The following PARP16 variants were observed in gnomAD, a reference collection of about 807,000 sequenced individuals.
PARP16 encodes the protein protein mono-ADP-ribosyltransferase PARP16.
In PARP16, 31 loss-of-function variants were observed where a neutral mutation model predicts 35.0. The ratio of observed to expected loss-of-function variants is 0.88; its 90% CI spans 0.66 to 1.19. PARP16 has a LOEUF of 1.19. Among genes scored for constraint, PARP16 ranks in the 50% most tolerant of loss-of-function variants. The pLI, the probability that PARP16 is intolerant of heterozygous loss-of-function variation, is 0.00. For missense variants in PARP16, 424 were observed against 411.2 expected, an observed-to-expected ratio of 1.03 and a Z score of -0.27; for synonymous variants, 162 against 169.5, an observed-to-expected ratio of 0.96 and a Z score of 0.34.
intron 4 of PARP16, among the ~76,000 whole-genome samples, chr15:65,261,454 T>G (rs556216324): frequency 1.1e-3 from 157 of 143,490 alleles, no homozygotes; most frequent in Middle Eastern, 3.6e-3. Flanking sequence ...ACATGTTTTG[T>G]TTTTTTTTTG....
chr15:65,249,548 C>A (rs933383444), intron 2 of PARP16, among the ~76,000 whole-genome samples: 2 of 152,214 alleles, frequency 1.3e-5, no homozygotes, highest in African/African-American at 4.8e-5. Flanking sequence ...CAGGCCTCTG[C>A]TGGAGGTGGA....
chr15:65,266,504 C>A, intron 3 of PARP16, 58 bp downstream of exon 3: 2 of 1,427,198 alleles, frequency 1.4e-6, no homozygotes, highest in South Asian at 1.1e-5. Context: ...TCCCCCTCCC[C>A]ACTCTCCCAC....
chr15:65,240,505 A>C (rs1220049153), intron 3 of PARP16, among the ~76,000 whole-genome samples: 2 of 152,146 alleles, frequency 1.3e-5, no homozygotes, highest in African/African-American at 4.8e-5. Flanking sequence ...GTACAGGCGC[A>C]AGCTGCTGTG....
At chr15:65,244,686 T>TG (rs1297207307) in intron 3 of PARP16, among the ~76,000 whole-genome samples, 1 of 152,282 alleles carries the variant, frequency 6.6e-6, no homozygotes, top group African/African-American at 2.4e-5. Context: ...GGATCTTGTC[T>TG]GTCTTGTTTA....
chr15:65,272,617 C>T (rs780108316), intron 1 of PARP16, among the ~76,000 whole-genome samples: 8 of 152,206 alleles, frequency 5.3e-5, no homozygotes, highest in African/African-American at 1.9e-4. Context: ...CCACTCTCTC[C>T]TCTAAGCCCC....
downstream of PARP16, among the ~76,000 whole-genome samples, chr15:65,255,344 A>C (rs2089467825): frequency 6.6e-6 from 1 of 152,212 alleles, no homozygotes; most frequent in South Asian, 2.1e-4. Context: ...TAGAAGAAAA[A>C]AACTTTTAAG....
intron 1 of PARP16, among the ~76,000 whole-genome samples, chr15:65,278,706 G>C (rs776482752): frequency 2.0e-5 from 3 of 152,204 alleles, no homozygotes; most frequent in Non-Finnish European, 4.4e-5. Context: ...AGGAAAAGCT[G>C]GAGATACTCA....
At chr15:65,250,546 G>T (rs1050746185) in intron 2 of PARP16, among the ~76,000 whole-genome samples, 16 of 152,188 alleles carry the variant, frequency 1.1e-4, no homozygotes, top group African/African-American at 3.9e-4. Flanking sequence ...GCCTTGCAGG[G>T]ATACTGTGAA....
chr15:65,259,284 T>C lies in PARP16; in HGVS notation c.*123A>G. On this transcript the variant is annotated 3_prime_UTR_variant, in exon 6 of 6. Transcript: ENST00000649807. ...TGGATACATTTAGGCCATATGAAAA[T>C]TGTCCTGTGGTCCCCCAACTGGCCC... The C allele has an allele frequency of 1.2e-6, 1 of 865,154 alleles. No individual in the cohort carries two copies. The highest frequency in any genetic ancestry group is 1.9e-6 in the Non-Finnish European group (1 of 529,724). The allele number at this position is 865,154 out of a possible 1,614,324, so 53.6% of individuals were successfully genotyped here.
chr15:65,271,585 G>GT (rs977184322), intron 1 of PARP16, among the ~76,000 whole-genome samples: 174 of 151,042 alleles, frequency 1.2e-3, no homozygotes, highest in African/African-American at 3.6e-3. Flanking sequence ...TTGGTGGTTT[G>GT]TTTTTTTTTA....
intron 3 of PARP16, among the ~76,000 whole-genome samples, 184 bp downstream of exon 3, chr15:65,266,378 C>T (rs2089891368): frequency 6.6e-6 from 1 of 152,118 alleles, no homozygotes; most frequent in South Asian, 2.1e-4. Context: ...CAAGATTTTG[C>T]ATTTTCTTAG....
At chr15:65,248,557 C>T (rs901871966) in intron 2 of PARP16, among the ~76,000 whole-genome samples, 4 of 152,174 alleles carry the variant, frequency 2.6e-5, no homozygotes. Context: ...CAGCTGCAAC[C>T]AGCAATGCAG....
At chr15:65,233,435 C>A (rs771433361), downstream of PARP16, among the ~76,000 whole-genome samples, 1 of 151,158 alleles carries the variant, frequency 6.6e-6, no homozygotes, top group Non-Finnish European at 1.5e-5. Context: ...CAAACAAAAA[C>A]AAAAAATAAC....
rs551929526 is a variant in PARP16 at position 65,259,461 on chromosome 15, C to T, written c.915G>A (p.Val305=). ...ISLYLLLLLI[V]SVINSSAFQH... ...GGAAAGCAGAGGAGTTGATGACACT[C>T]ACTATGAGCAGCAGCAGCAGATACA... Residue 305 remains valine, a synonymous_variant, in exon 6 of 6, where the codon GTG becomes GTA. Coordinates refer to ENST00000649807, the MANE Select transcript of PARP16 (RefSeq NM_001316943.2). 8.1e-6 allele frequency: 13 copies of T among 1,613,786 alleles called. No individual in the cohort carries two copies. The highest frequency in any genetic ancestry group is 1.1e-5 in the Non-Finnish European group (13 of 1,179,794).
downstream of PARP16, among the ~76,000 whole-genome samples, chr15:65,233,258 A>G (rs1392809796): frequency 6.6e-6 from 1 of 152,020 alleles, no homozygotes; most frequent in Non-Finnish European, 1.5e-5. Flanking sequence ...CTAAAAATAC[A>G]AAAAAATTAG....
In PARP16 at chr15:65,267,752, T is replaced by A. The variant is rs1214240789; in HGVS notation, c.313-984A>T. 1.7e-5 allele frequency among the ~76,000 whole-genome samples: 2 copies of A among 120,836 alleles called. 1 individual carries two copies. The highest frequency in any genetic ancestry group is 3.3e-5 in the Non-Finnish European group (2 of 61,318). 79.3% of individuals were successfully genotyped at this position (120,836 alleles called of 152,430 possible). On this transcript the variant is annotated intron_variant, in intron 2 of 5. Transcript: ENST00000649807. ...CCCAGGCTGGAGTGCAGTGACGCCA[T>A]CTCAGCTCACTGCAACCTCTGCCCC...
At chr15:65,254,562 G>C (rs1465318101), downstream of PARP16, among the ~76,000 whole-genome samples, 4 of 152,070 alleles carry the variant, frequency 2.6e-5, no homozygotes. Context: ...GGAGGGGAGC[G>C]GGGAGAGAGA....
chr15:65,253,354 G>A (rs996029690), downstream of PARP16, among the ~76,000 whole-genome samples: 31 of 148,790 alleles, frequency 2.1e-4, no homozygotes, highest in African/African-American at 6.5e-4. Context: ...TTTTTGAGAC[G>A]GAGTCTCGCT....
intron 1 of PARP16, among the ~76,000 whole-genome samples, chr15:65,283,372 T>C (rs1223054041): frequency 1.3e-5 from 2 of 152,120 alleles, no homozygotes; most frequent in Non-Finnish European, 2.9e-5. Flanking sequence ...CACAGGTGTC[T>C]TTCTGGATCT....
Sources: allele counts gnomAD v4.1 joint callset (sites outside exome capture counted in the v4.1 genomes callset), GRCh38; gene constraint gnomAD v4.1.1; transcripts MANE v1.5; gene names NCBI Gene and HGNC (gene_info 2026-07-23, HGNC 2026-07-21).